Variants in VSIR observed in about 807,000 individuals in gnomAD.
VSIR encodes V-type immunoglobulin domain-containing suppressor of T-cell activation.
VSIR carries 10 observed loss-of-function variants against 31.0 expected under a neutral mutation model. The ratio of observed to expected loss-of-function variants is 0.32; its 90% CI spans 0.20 to 0.55. VSIR has a LOEUF of 0.55. Among genes scored for constraint, VSIR ranks in the 20% least tolerant of loss-of-function variants. The probability of loss-of-function intolerance (pLI) is 0.93; values close to 1 mark genes in which losing one functional copy is unlikely to be tolerated. For synonymous variants in VSIR, 179 were observed against 180.1 expected (o/e 0.99, Z 0.05); for missense variants, 356 against 416.2 (o/e 0.86, Z 1.26).
At chr10:71,769,849 C>CAG in intron 1 of VSIR, among the ~76,000 whole-genome samples, 1 of 152,298 alleles carries the variant, frequency 6.6e-6, no homozygotes. Flanking sequence ...TGGTGATGGC[C>CAG]AGCCAAAGTG....
At chr10:71,767,315 C>A (rs1356029389) in intron 1 of VSIR, among the ~76,000 whole-genome samples, 1 of 152,226 alleles carries the variant, frequency 6.6e-6, no homozygotes, top group African/African-American at 2.4e-5. Flanking sequence ...CCCACAGTCG[C>A]CAAGGCAACG....
At chr10:71,771,043 A>G (rs1268754959) in intron 1 of VSIR, among the ~76,000 whole-genome samples, 4 of 152,178 alleles carry the variant, frequency 2.6e-5, no homozygotes, top group Non-Finnish European at 5.9e-5. Context: ...CTGGTTTGCT[A>G]TGAAGGAGAA....
chr10:71,770,919 G>A (rs985802565), intron 1 of VSIR, among the ~76,000 whole-genome samples: 1 of 152,188 alleles, frequency 6.6e-6, no homozygotes. Flanking sequence ...CTGGCCTCAA[G>A]GCTGTTCCTC....
chr10:71,753,338 C>G (rs1376948892), intron 4 of VSIR, among the ~76,000 whole-genome samples: 1 of 152,238 alleles, frequency 6.6e-6, no homozygotes, highest in Non-Finnish European at 1.5e-5. Context: ...GTCAGACCTT[C>G]AGGATTTAAG....
At position 71,750,671 on chromosome 10, in the gene VSIR, T is replaced by G. The variant is rs991141871; in HGVS notation, c.*582A>C. 1 of 152,664 alleles carries G rather than the reference T, an allele frequency of 6.6e-6. No individual in the cohort carries two copies. The highest frequency in any genetic ancestry group is 1.5e-5 in the Non-Finnish European group (1 of 68,310). The allele number at this position is 152,664 out of a possible 1,614,324, so 9.5% of individuals were successfully genotyped here. On this transcript the variant is annotated 3_prime_UTR_variant, in exon 7 of 7. Coordinates refer to ENST00000394957, the MANE Select transcript of VSIR (RefSeq NM_022153.2). The stretch of plus-strand genomic sequence containing the variant: ...GAAGCCCCAGATTGACTTAACCTGT[T>G]GACAGATCTTCAGAGAAACTGCTGG...
rs148866638 is a variant in VSIR at position 71,765,644 on chromosome 10, G to A, written c.83-3618C>T. Among the ~76,000 whole-genome samples, 194 of 152,272 alleles carry A rather than the reference G, an allele frequency of 1.3e-3. No individual in the cohort carries two copies. The South Asian group carries it at 0.019, about 15-fold the overall frequency. Reference sequence around the variant, plus strand: ...TGGAGGCAACTTCCTTGAGATGCACGGCGGGTGGGTGCATCAGAGAGAAAG... The same window carrying A: ...TGGAGGCAACTTCCTTGAGATGCACAGCGGGTGGGTGCATCAGAGAGAAAG... On this transcript the variant is annotated intron_variant, in intron 1 of 6. Coordinates refer to ENST00000394957, the MANE Select transcript of VSIR (RefSeq NM_022153.2).
At chr10:71,760,977 G>C in intron 2 of VSIR, 53 bp from the exon 3 acceptor site, 1 of 1,578,218 alleles carries the variant, frequency 6.3e-7, no homozygotes, top group Non-Finnish European at 8.7e-7. Flanking sequence ...CAGGAGGCCA[G>C]GGAGGCTTGT....
rs1839983248 is a variant in VSIR, at chr10:71,750,956, G to A, written c.*297C>T. ...AACGAGAGCTGCTGAAGGGCTGGAC[G>A]TTCTGAGACTTCTTAAGATGTAAGT... On this transcript the variant is annotated 3_prime_UTR_variant, in exon 7 of 7. Coordinates refer to ENST00000394957, the MANE Select transcript of VSIR (RefSeq NM_022153.2). 1.6e-5 allele frequency: 6 copies of A among 364,418 alleles called. No homozygotes were observed. Among genetic ancestry groups the A allele is most frequent in the South Asian group, 5.9e-5 (1 of 17,044 alleles). 22.6% of individuals were successfully genotyped at this position (364,418 alleles called of 1,614,324 possible). A position where few individuals can be genotyped will look rare whatever the true frequency, so the allele number is the denominator to read the frequency against.
At chr10:71,765,768 T>C (rs7919533) in intron 1 of VSIR, among the ~76,000 whole-genome samples, 78,877 of 151,886 alleles carry the variant, frequency 0.52, 21,321 homozygotes, top group Middle Eastern at 0.66. Flanking sequence ...CCAAAGGAGT[T>C]GTTCCCCTTT....
chr10:71,758,900 C>T (rs1192083063), intron 3 of VSIR, among the ~76,000 whole-genome samples: 2 of 152,102 alleles, frequency 1.3e-5, no homozygotes, highest in African/African-American at 4.8e-5. Context: ...GACAGAGTCT[C>T]GCTCTGTCAC....
chr10:71,757,142 T>C (rs957108930), intron 3 of VSIR, among the ~76,000 whole-genome samples: 1 of 152,208 alleles, frequency 6.6e-6, no homozygotes, highest in Non-Finnish European at 1.5e-5. Context: ...GTGGGCAATA[T>C]TTGAGAAGCC....
intron 1 of VSIR, among the ~76,000 whole-genome samples, chr10:71,772,282 C>T (rs968657998): frequency 1.3e-5 from 2 of 152,216 alleles, no homozygotes; most frequent in Non-Finnish European, 2.9e-5. Context: ...TCCTCTCCCT[C>T]TTATCCTATC....
chr10:71,754,779 C>G (rs1341383709), intron 4 of VSIR, among the ~76,000 whole-genome samples: 1 of 152,162 alleles, frequency 6.6e-6, no homozygotes, highest in Non-Finnish European at 1.5e-5. Flanking sequence ...ATATGGTGGA[C>G]TTCTATTCCC....
intron 3 of VSIR, 143 bp from the exon 4 acceptor site, chr10:71,755,609 C>A: frequency 1.3e-6 from 1 of 749,508 alleles, no homozygotes; most frequent in Non-Finnish European, 2.2e-6. Context: ...CAGCAACCTA[C>A]AGAGGCATGG....
chr10:71,769,947 T>G (rs1343306082), intron 1 of VSIR, among the ~76,000 whole-genome samples: 1 of 152,044 alleles, frequency 6.6e-6, no homozygotes, highest in Admixed American at 6.6e-5. Flanking sequence ...AGTTGCAATG[T>G]CCCCATCTCC....
At chr10:71,770,313 G>A (rs545227690) in intron 1 of VSIR, among the ~76,000 whole-genome samples, 44 of 152,354 alleles carry the variant, frequency 2.9e-4, no homozygotes, top group Non-Finnish European at 5.1e-4. Context: ...CACTTTAGAG[G>A]GAGGGGAACT....
chr10:71,751,087 C>A lies in VSIR; in HGVS notation c.*166G>T, dbSNP rs1839985964. ...GCCGTCCAGCATCCCCATGTAGCAT[C>A]CAGAGGGGTTGAGGGGCTGGGCTTC... is the stretch of plus-strand genomic sequence containing the variant. On this transcript the variant is annotated 3_prime_UTR_variant, in exon 7 of 7. Transcript: ENST00000394957. The surrounding 1 kb of genome is among the most constrained non-coding windows in gnomAD (Gnocchi z 4.9). 1.2e-6 allele frequency: 1 copy of A among 804,644 alleles called. No homozygotes were observed. Among genetic ancestry groups the A allele is most frequent in the African/African-American group, 1.8e-5 (1 of 56,896 alleles). The allele number at this position is 804,644 out of a possible 1,614,324, so 49.8% of individuals were successfully genotyped here.
At chr10:71,763,625 G>A (rs1270609790) in intron 1 of VSIR, among the ~76,000 whole-genome samples, 2 of 152,188 alleles carry the variant, frequency 1.3e-5, no homozygotes, top group Non-Finnish European at 2.9e-5. Context: ...CCACTTAGAC[G>A]CTGAGCCCCG....
rs745662633 is a variant in VSIR, at chr10:71,751,661, C to T, written c.898+7G>A. The T allele has an allele frequency of 1.3e-6, 2 of 1,523,168 alleles. No individual in the cohort carries two copies. Among genetic ancestry groups the T allele is most frequent in the Admixed American group, 2.2e-5 (1 of 45,728 alleles). 94.4% of individuals were successfully genotyped at this position (1,523,168 alleles called of 1,614,324 possible). A position where few individuals can be genotyped will look rare whatever the true frequency, so the allele number is the denominator to read the frequency against. ...TCATCGTGCTGTGAAGGTCAGGAAA[C>T]ACTTACCCAGGGATGGGAAGAAGAC... On this transcript the variant is annotated splice_region_variant and intron_variant, in intron 6 of 6. Coordinates refer to ENST00000394957, the MANE Select transcript of VSIR (RefSeq NM_022153.2). This position sits in a 1 kb window ranked among gnomAD's most constrained non-coding sequence, Gnocchi z 4.9.
Sources: allele counts gnomAD v4.1 joint callset (sites outside exome capture counted in the v4.1 genomes callset), GRCh38; gene constraint gnomAD v4.1.1; non-coding constraint Gnocchi (gnomAD v3.1); transcripts MANE v1.5; gene names NCBI Gene and HGNC (gene_info 2026-07-23, HGNC 2026-07-21).